The following CCSER1 variants were observed in gnomAD, a reference collection of about 807,000 sequenced individuals.
CCSER1 encodes serine-rich coiled-coil domain-containing protein 1.
CCSER1 carries 41 observed loss-of-function variants against 82.0 expected under a neutral mutation model. That is an observed-to-expected ratio of 0.50 (90% CI 0.39 to 0.65). The LOEUF (loss-of-function observed/expected upper bound fraction) is 0.65. Among genes scored for constraint, CCSER1 ranks in the 30% least tolerant of loss-of-function variants. CCSER1 has a pLI of 0.00. For missense variants in CCSER1, 1,119 were observed against 1,064.2 expected (o/e 1.05, Z -0.72); for synonymous variants, 414 against 383.9 (o/e 1.08, Z -0.92).
intron 10 of CCSER1, among the ~76,000 whole-genome samples, chr4:91,233,789 A>T (rs1477632021): frequency 6.6e-6 from 1 of 151,950 alleles, no homozygotes; most frequent in Non-Finnish European, 1.5e-5. Context: ...CATCATTTAA[A>T]GTACATGTTA....
At chr4:90,252,345 G>T (rs1239035204) in intron 1 of CCSER1, among the ~76,000 whole-genome samples, 1 of 151,836 alleles carries the variant, frequency 6.6e-6, no homozygotes, top group Non-Finnish European at 1.5e-5. Context: ...TGCTTAAGTT[G>T]CATCTCACAA....
At chr4:91,186,888 C>T (rs780157875) in intron 10 of CCSER1, among the ~76,000 whole-genome samples, 15 of 152,212 alleles carry the variant, frequency 9.9e-5, no homozygotes, top group Non-Finnish European at 1.3e-4. Context: ...GTGTTCCTTG[C>T]CCTCATTCCT....
At chr4:90,653,037 C>T (rs1579732525) in intron 6 of CCSER1, among the ~76,000 whole-genome samples, 1 of 150,734 alleles carries the variant, frequency 6.6e-6, no homozygotes, top group Non-Finnish European at 1.5e-5. Flanking sequence ...ATGGCTCCCA[C>T]AAATGCATTT....
At chr4:90,530,719 A>G (rs543459317) in intron 5 of CCSER1, among the ~76,000 whole-genome samples, 30 of 152,286 alleles carry the variant, frequency 2.0e-4, no homozygotes, top group African/African-American at 7.0e-4. Context: ...GAAACCCAGG[A>G]CAGATACAGT....
At chr4:90,381,706 C>T (rs999167511) in intron 3 of CCSER1, among the ~76,000 whole-genome samples, 1 of 151,850 alleles carries the variant, frequency 6.6e-6, no homozygotes, top group Non-Finnish European at 1.5e-5. Flanking sequence ...AAATCTTAGT[C>T]CATAATCATG....
intron 5 of CCSER1, among the ~76,000 whole-genome samples, chr4:90,622,733 G>T (rs1722555454): frequency 6.6e-6 from 1 of 152,088 alleles, no homozygotes; most frequent in South Asian, 2.1e-4. Context: ...ACATACGTGT[G>T]CATGTGTCTT....
chr4:91,220,402 A>G (rs1486325702), intron 10 of CCSER1, among the ~76,000 whole-genome samples: 2 of 152,228 alleles, frequency 1.3e-5, no homozygotes, highest in African/African-American at 2.4e-5. Flanking sequence ...AGTTAATGGA[A>G]CATTTAAAAA....
chr4:90,704,718 T>C (rs1738949311), intron 6 of CCSER1, among the ~76,000 whole-genome samples: 1 of 152,242 alleles, frequency 6.6e-6, no homozygotes, highest in African/African-American at 2.4e-5. Flanking sequence ...CTTCATTTCA[T>C]TCATTTGATC....
intron 6 of CCSER1, among the ~76,000 whole-genome samples, chr4:90,628,864 A>G (rs769227882): frequency 1.3e-5 from 2 of 152,152 alleles, no homozygotes; most frequent in African/African-American, 4.8e-5. Flanking sequence ...TTTTATAATT[A>G]CAACAGTTGT....
intron 9 of CCSER1, among the ~76,000 whole-genome samples, chr4:90,936,651 T>C (rs1239706514): frequency 6.6e-6 from 1 of 152,138 alleles, no homozygotes; most frequent in Non-Finnish European, 1.5e-5. Context: ...GGTTAGACTT[T>C]CATTAAGTAT....
intron 10 of CCSER1, among the ~76,000 whole-genome samples, chr4:91,544,263 C>T (rs556891614): frequency 2.0e-5 from 3 of 152,214 alleles, no homozygotes; most frequent in African/African-American, 4.8e-5. Flanking sequence ...TCCTTTAGCT[C>T]GGAGAAGTTT....
At chr4:90,550,584 A>G (rs1777342135) in intron 5 of CCSER1, among the ~76,000 whole-genome samples, 1 of 152,208 alleles carries the variant, frequency 6.6e-6, no homozygotes, top group Non-Finnish European at 1.5e-5. Context: ...TTTTTGTGAA[A>G]TAAATTGAAA....
intron 10 of CCSER1, among the ~76,000 whole-genome samples, chr4:91,239,095 T>C (rs537322368): frequency 5.9e-4 from 90 of 151,312 alleles, no homozygotes; most frequent in African/African-American, 1.7e-3. Flanking sequence ...AAAGTGCTGG[T>C]ATTACAAGCG....
intron 5 of CCSER1, among the ~76,000 whole-genome samples, chr4:90,483,115 A>C (rs1416025721): frequency 1.3e-5 from 2 of 151,978 alleles, no homozygotes; most frequent in African/African-American, 2.4e-5. Flanking sequence ...TGATCCCTTT[A>C]CCATTATGTA....
intron 1 of CCSER1, among the ~76,000 whole-genome samples, chr4:90,154,903 C>T (rs1242231217): frequency 6.6e-6 from 1 of 152,038 alleles, no homozygotes; most frequent in Non-Finnish European, 1.5e-5. Context: ...CTGGCCAGAA[C>T]TTCCAACACT....
intron 10 of CCSER1, among the ~76,000 whole-genome samples, chr4:91,577,230 C>A (rs1196758643): frequency 6.6e-6 from 1 of 151,898 alleles, no homozygotes; most frequent in African/African-American, 2.4e-5. Flanking sequence ...GAGCATCTCA[C>A]TTGTGAGACT....
At chr4:90,143,915 C>G (rs1222393504) in intron 1 of CCSER1, among the ~76,000 whole-genome samples, 1 of 152,074 alleles carries the variant, frequency 6.6e-6, no homozygotes, top group Non-Finnish European at 1.5e-5. Context: ...GTCTTGAACT[C>G]CTGGGCTCAA....
chr4:90,160,417 A>G (rs1729215008), intron 1 of CCSER1, among the ~76,000 whole-genome samples: 1 of 152,246 alleles, frequency 6.6e-6, no homozygotes. Context: ...CCAAATAATA[A>G]GATTGAGCAA....
chr4:90,857,574 T>G (rs1327266254), intron 8 of CCSER1, among the ~76,000 whole-genome samples: 1 of 152,100 alleles, frequency 6.6e-6, no homozygotes, highest in Non-Finnish European at 1.5e-5. Flanking sequence ...TTACATAAAG[T>G]GCATGAACAC....
Sources: gnomAD v4.1 joint callset for allele counts (sites outside exome capture counted in the v4.1 genomes callset) on GRCh38, gnomAD v4.1.1 for gene constraint, MANE v1.5 for transcripts, NCBI Gene and HGNC (gene_info 2026-07-23, HGNC 2026-07-21) for gene names.